Variants in USP34 observed in about 807,000 individuals in gnomAD.
USP34 encodes ubiquitin specific peptidase 34.
USP34 carries 70 observed loss-of-function variants against 460.3 expected under a neutral mutation model. That is an observed-to-expected ratio of 0.15 (90% CI 0.13 to 0.19). The LOEUF is 0.19. Among genes scored for constraint, USP34 ranks in the 10% least tolerant of loss-of-function variants. The pLI, the probability that USP34 is intolerant of heterozygous loss-of-function variation, is 1.00. For synonymous variants in USP34, 1,647 were observed against 1,405.3 expected (o/e 1.17, Z -3.85); for missense variants, 3,985 against 4,236.2 (o/e 0.94, Z 1.65).
chr2:61,223,341 T>A, intron 62 of USP34, 45 bp from the exon 63 acceptor site: 1 of 1,567,742 alleles, frequency 6.4e-7, no homozygotes, highest in East Asian at 2.2e-5. Context: ...TCCTTCTGTA[T>A]TACTTTACAG....
chr2:61,227,678 T>C (rs1171594595), intron 61 of USP34, among the ~76,000 whole-genome samples: 1 of 151,504 alleles, frequency 6.6e-6, no homozygotes, highest in African/African-American at 2.4e-5. Context: ...ACCACTGCAC[T>C]CCAGCCTGGG....
At chr2:61,413,573 T>G (rs994770794) in intron 2 of USP34, among the ~76,000 whole-genome samples, 1 of 138,900 alleles carries the variant, frequency 7.2e-6, no homozygotes, top group Non-Finnish European at 1.5e-5. Flanking sequence ...GGCAGGAGAA[T>G]TGCCTGAACC....
In USP34 at chr2:61,228,919, A is replaced by G. The variant is rs759322455; in HGVS notation, c.7276T>C (p.Leu2426=). ...GGTTTTACACCATGTTCCATAATTA[A>G]TAACAGGGTTCTCACAAAGCGAGTG... ...CVTRFVRTLL[L]IMEHGVKPHS... Residue 2426 remains leucine (L), a synonymous_variant, in exon 60 of 80, where the codon TTA becomes CTA. Transcript: ENST00000398571. 30 of 1,610,428 alleles carry G rather than the reference A, an allele frequency of 1.9e-5. No homozygotes were observed. The highest frequency in any genetic ancestry group is 2.2e-5 in the East Asian group (1 of 44,842).
chr2:61,224,156 T>A (rs1232744562), intron 62 of USP34, among the ~76,000 whole-genome samples: 1 of 152,244 alleles, frequency 6.6e-6, no homozygotes, highest in Non-Finnish European at 1.5e-5. Flanking sequence ...CTTGTTTGAA[T>A]CAGGATTCAA....
rs1691056735 is a variant in USP34 at position 61,325,476 on chromosome 2, T to C, written c.2931-19A>G. The C allele has an allele frequency of 7.0e-7, 1 of 1,432,442 alleles. No individual in the cohort carries two copies. The highest frequency in any genetic ancestry group is 9.3e-7 in the Non-Finnish European group (1 of 1,074,698). The allele number at this position is 1,432,442 out of a possible 1,614,324, so 88.7% of individuals were successfully genotyped here. On this transcript the variant is annotated intron_variant, in intron 20 of 79. Transcript: ENST00000398571. Reference sequence around the variant, plus strand: ...GCTGTACCTATAATTTAAAAGTCATTAAAATAATTAAATATCCTATTTCTT... The same window carrying C: ...GCTGTACCTATAATTTAAAAGTCATCAAAATAATTAAATATCCTATTTCTT...
rs539942415 is a variant in USP34 at position 61,249,867 on chromosome 2, T to A, written c.6222-1184A>T. ...AGTCTGGACAGAATATCTCCAAGAG[T>A]TCTCACTGTGACAGGATACCTCGCT... On this transcript the variant is annotated intron_variant, in intron 48 of 79. Transcript: ENST00000398571. 20 of 157,128 alleles carry A rather than the reference T, an allele frequency of 1.3e-4. No individual in the cohort carries two copies. The South Asian group carries it at 3.9e-3, about 31-fold the overall frequency. The allele number at this position is 157,128 out of a possible 1,614,324, so 9.7% of individuals were successfully genotyped here.
At chr2:61,278,311 C>A (rs374850030) in intron 40 of USP34, 26 bp from the exon 41 acceptor site, 12 of 1,611,202 alleles carry the variant, frequency 7.4e-6, no homozygotes, top group Non-Finnish European at 5.1e-6. Flanking sequence ...AAAATACACA[C>A]AAGCAAGATA....
At chr2:61,298,432 G>A (rs1690106665) in intron 29 of USP34, among the ~76,000 whole-genome samples, 2 of 143,886 alleles carry the variant, frequency 1.4e-5, no homozygotes, top group South Asian at 4.5e-4. Context: ...CAGCTACTCA[G>A]GAGGCTGAGG....
chr2:61,319,025 C>A, intron 22 of USP34, 148 bp downstream of exon 22: 1 of 688,098 alleles, frequency 1.5e-6, no homozygotes. Context: ...ACAATCTGAC[C>A]AAAAATTATA....
chr2:61,357,451 CTT>C (rs1367956401), intron 10 of USP34, among the ~76,000 whole-genome samples: 7 of 151,652 alleles, frequency 4.6e-5, no homozygotes, highest in Non-Finnish European at 1.5e-5. Flanking sequence ...TGCATGAAAA[CTT>C]ATGTTTACAA....
intron 41 of USP34, among the ~76,000 whole-genome samples, chr2:61,275,781 T>C (rs141554620): frequency 8.5e-4 from 129 of 152,344 alleles, no homozygotes; most frequent in African/African-American, 2.9e-3. Flanking sequence ...GACTCAGTCA[T>C]GCACAACTCG....
rs747190254 is a variant in USP34 at position 61,206,833 on chromosome 2, A to C, written c.8973T>G (p.Thr2991=). 1 of 1,613,756 alleles carries C rather than the reference A, an allele frequency of 6.2e-7. No individual in the cohort carries two copies. The highest frequency in any genetic ancestry group is 8.5e-7 in the Non-Finnish European group (1 of 1,179,732). ...TTGACAGAAGTTCTACTAAATCTCCAGTCACATGGCAAGCTGTAGCTTCGT... is the reference window on the plus strand; with the variant it reads ...TTGACAGAAGTTCTACTAAATCTCCCGTCACATGGCAAGCTGTAGCTTCGT... ...MYHEATACHV[T]GDLVELLSIF... is the part of the protein sequence containing the mutation. The change falls in exon 71 of 80, where the codon ACT becomes ACG. Residue 2991 remains threonine (T), a synonymous_variant. Transcript: ENST00000398571.
At chr2:61,386,420 A>G (rs1236642037) in intron 5 of USP34, among the ~76,000 whole-genome samples, 1 of 152,228 alleles carries the variant, frequency 6.6e-6, no homozygotes, top group Non-Finnish European at 1.5e-5. Flanking sequence ...TTGCAGTTGA[A>G]TAGATCAAAA....
chr2:61,400,296 A>G (rs1693676044), intron 3 of USP34, among the ~76,000 whole-genome samples: 1 of 152,038 alleles, frequency 6.6e-6, no homozygotes, highest in African/African-American at 2.4e-5. Flanking sequence ...TTTTTAGTAG[A>G]GACAGGGTTT....
At chr2:61,222,507 G>C in intron 65 of USP34, 112 bp downstream of exon 65, 1 of 759,988 alleles carries the variant, frequency 1.3e-6, no homozygotes, top group Non-Finnish European at 2.2e-6. Flanking sequence ...AGGTTATTAT[G>C]TTATGGGAGA....
In USP34 at chr2:61,214,150, C is replaced by T; in HGVS notation, c.8592G>A (p.Gln2864=). The part of the protein sequence containing the change: ...YYGILRLCCE[Q]SPAFTRQLAS... ...CCAGTTGTCGTGTGAATGCAGGAGA[C>T]TGCTCACAGCAGAGCCTCAGAATGC... The change falls in exon 68 of 80, where the codon CAG becomes CAA. Residue 2864 remains glutamine, a synonymous_variant. Coordinates refer to ENST00000398571, the MANE Select transcript of USP34 (RefSeq NM_014709.4). 1 of 1,614,230 alleles carries T rather than the reference C, an allele frequency of 6.2e-7. No individual in the cohort carries two copies.
intron 1 of USP34, among the ~76,000 whole-genome samples, chr2:61,426,410 G>T (rs1694512561): frequency 6.6e-6 from 1 of 152,136 alleles, no homozygotes; most frequent in Non-Finnish European, 1.5e-5. Context: ...TTCATGACAA[G>T]CTGACTTCAG....
In USP34 at chr2:61,211,758, A is replaced by G. The variant is rs201638801; in HGVS notation, c.8840+14T>C. The G allele has an allele frequency of 1.3e-6, 2 of 1,550,606 alleles. No homozygotes were observed. Among genetic ancestry groups the G allele is most frequent in the Non-Finnish European group, 8.6e-7 (1 of 1,159,002 alleles). On this transcript the variant is annotated intron_variant, in intron 69 of 79. Transcript: ENST00000398571. ...CTGGAAATAAACAAGACAAAACTAAAAACATCTTTTTACCTTATTAAAGTA... is the reference window on the plus strand; with the variant it reads ...CTGGAAATAAACAAGACAAAACTAAGAACATCTTTTTACCTTATTAAAGTA...
intron 1 of USP34, among the ~76,000 whole-genome samples, chr2:61,422,865 T>G (rs1053769785): frequency 6.6e-6 from 1 of 151,968 alleles, no homozygotes; most frequent in Non-Finnish European, 1.5e-5. Context: ...CCAGGCATGG[T>G]GGTGCACACC....
Sources: gnomAD v4.1 joint callset for allele counts (sites outside exome capture counted in the v4.1 genomes callset) on GRCh38, gnomAD v4.1.1 for gene constraint, MANE v1.5 for transcripts, NCBI Gene and HGNC (gene_info 2026-07-23, HGNC 2026-07-21) for gene names.